Variants in FAM184A observed in about 807,000 individuals in gnomAD.
The protein encoded by FAM184A is protein FAM184A.
In FAM184A, 99 loss-of-function variants were observed where a neutral mutation model predicts 143.8. That is an observed-to-expected ratio of 0.69 (90% CI 0.58 to 0.81). FAM184A has a LOEUF of 0.81. Among genes scored for constraint, FAM184A ranks in the 40% least tolerant of loss-of-function variants. The pLI, the probability that FAM184A is intolerant of heterozygous loss-of-function variation, is 0.00. For synonymous variants in FAM184A, 427 were observed against 446.4 expected (o/e 0.96, Z 0.55); for missense variants, 1,217 against 1,310.5 (o/e 0.93, Z 1.10).
chr6:119,046,737 C>G (rs1477822998), intron 1 of FAM184A, among the ~76,000 whole-genome samples: 1 of 152,084 alleles, frequency 6.6e-6, no homozygotes, highest in Non-Finnish European at 1.5e-5. Context: ...AATACATACC[C>G]CTGAATGGCC....
intron 6 of FAM184A, among the ~76,000 whole-genome samples, chr6:119,006,881 A>G (rs1784935032): frequency 6.6e-6 from 1 of 152,204 alleles, no homozygotes; most frequent in Non-Finnish European, 1.5e-5. Flanking sequence ...GTTCCACCAT[A>G]TAATAAAATA....
chr6:119,123,634 C>T (rs1034429760), intron 1 of FAM184A, among the ~76,000 whole-genome samples: 2 of 152,186 alleles, frequency 1.3e-5, no homozygotes, highest in African/African-American at 4.8e-5. Context: ...CCATCAGGGC[C>T]GAGAACTCTG....
chr6:119,136,727 T>C (rs576095614), intron 1 of FAM184A, among the ~76,000 whole-genome samples: 1 of 152,360 alleles, frequency 6.6e-6, no homozygotes, highest in African/African-American at 2.4e-5. Context: ...CAGTATTTTT[T>C]CAATTCTTGT....
intron 14 of FAM184A, 109 bp downstream of exon 14, chr6:118,974,319 T>A: frequency 1.3e-5 from 14 of 1,095,684 alleles, no homozygotes; most frequent in Non-Finnish European, 1.8e-5. Context: ...AAATTTTCTT[T>A]TTAAAGTATC....
intron 3 of FAM184A, among the ~76,000 whole-genome samples, chr6:119,020,568 G>C (rs141764251): frequency 1.3e-5 from 2 of 152,266 alleles, no homozygotes; most frequent in East Asian, 3.9e-4. Context: ...GCGCCAAAAT[G>C]AGTGATTCGT....
chr6:119,120,851 T>TC (rs1456011045), intron 1 of FAM184A, among the ~76,000 whole-genome samples: 2 of 149,884 alleles, frequency 1.3e-5, no homozygotes, highest in Admixed American at 6.6e-5. Context: ...TTTCTTTCTT[T>TC]TTTTTTTTTT....
At chr6:118,998,766 G>C (rs1306415271) in intron 9 of FAM184A, among the ~76,000 whole-genome samples, 1 of 152,146 alleles carries the variant, frequency 6.6e-6, no homozygotes, top group African/African-American at 2.4e-5. Flanking sequence ...CTGTAAAAAA[G>C]AAAGGGAGAG....
At chr6:119,002,597 T>G (rs1407793499) in intron 9 of FAM184A, among the ~76,000 whole-genome samples, 1 of 152,124 alleles carries the variant, frequency 6.6e-6, no homozygotes, top group Non-Finnish European at 1.5e-5. Flanking sequence ...AAAAAAGATT[T>G]TATGCTTTCA....
At position 119,024,132 on chromosome 6, in the gene FAM184A, T is replaced by G. The variant is rs763675398; in HGVS notation, c.841A>C (p.Lys281Gln). The G allele has an allele frequency of 1.2e-6, 2 of 1,614,190 alleles. No homozygotes were observed. The highest frequency in any genetic ancestry group is 1.7e-6 in the Non-Finnish European group (2 of 1,180,038). ...TTTCTAAGATCAGCTTCCTTTTCTT[T>G]GCTGGCCTGTAGGCTTTCTGCTGTA... ...LFTAESLQAS[K>Q]EKEADLRKEF... The change falls in exon 2 of 18, where the codon AAA becomes CAA. Residue 281 changes from lysine (K) to glutamine (Q), a missense_variant. Physicochemically the swap from Lys to Gln is moderately conservative, Grantham distance 53. Coordinates refer to ENST00000338891, the MANE Select transcript of FAM184A (RefSeq NM_024581.6).
At chr6:119,060,829 T>C (rs1032336994) in intron 1 of FAM184A, among the ~76,000 whole-genome samples, 1 of 152,198 alleles carries the variant, frequency 6.6e-6, no homozygotes, top group African/African-American at 2.4e-5. Flanking sequence ...CACTCTCACT[T>C]TGTGTTCCAT....
chr6:119,074,024 C>T (rs1412589259), intron 1 of FAM184A, among the ~76,000 whole-genome samples: 1 of 152,132 alleles, frequency 6.6e-6, no homozygotes, highest in Non-Finnish European at 1.5e-5. Flanking sequence ...AACCAATCAG[C>T]GCATAAGGGA....
intron 1 of FAM184A, among the ~76,000 whole-genome samples, chr6:119,101,687 T>C (rs1788641041): frequency 6.6e-6 from 1 of 152,220 alleles, no homozygotes; most frequent in East Asian, 1.9e-4. Flanking sequence ...GAATCTTTTG[T>C]ATTCATATCC....
At chr6:118,965,580 C>T (rs116190858) in intron 15 of FAM184A, among the ~76,000 whole-genome samples, 2,576 of 152,272 alleles carry the variant, frequency 0.017, 60 homozygotes, top group African/African-American at 0.059. Flanking sequence ...AGCAGAACTA[C>T]ATTCTAGTGA....
chr6:119,141,227 C>T (rs1160741068), intron 1 of FAM184A, among the ~76,000 whole-genome samples: 1 of 152,236 alleles, frequency 6.6e-6, no homozygotes, highest in Non-Finnish European at 1.5e-5. Flanking sequence ...GTTTAGCAAC[C>T]TGCCTAGTCG....
intron 1 of FAM184A, chr6:119,057,835 T>A (rs1787049105): frequency 1.0e-5 from 1 of 98,768 alleles, no homozygotes; most frequent in African/African-American, 4.1e-5. Flanking sequence ...TTACCAACTC[T>A]CTTCTGTGTT....
At chr6:119,080,094 C>G (rs2114805341), upstream of FAM184A, among the ~76,000 whole-genome samples, 1 of 152,330 alleles carries the variant, frequency 6.6e-6, no homozygotes, top group African/African-American at 2.4e-5. Context: ...AACTCATGTT[C>G]TTTACGTTCT....
chr6:119,020,649 G>A (rs1171911964), intron 3 of FAM184A, among the ~76,000 whole-genome samples: 1 of 152,212 alleles, frequency 6.6e-6, no homozygotes, highest in Non-Finnish European at 1.5e-5. Flanking sequence ...AAAGATGGCA[G>A]ATAGCAGTTT....
chr6:119,130,048 T>C (rs925706763), intron 1 of FAM184A, among the ~76,000 whole-genome samples: 16 of 151,990 alleles, frequency 1.1e-4, no homozygotes, highest in Non-Finnish European at 2.9e-5. Context: ...TTAAACATTT[T>C]TTTTTAAAGA....
intron 1 of FAM184A, among the ~76,000 whole-genome samples, chr6:119,090,077 C>A (rs1788329388): frequency 2.0e-5 from 3 of 152,278 alleles, no homozygotes; most frequent in Admixed American, 2.0e-4. Flanking sequence ...CAGAAGCCAA[C>A]TGGTTTATCC....
Sources: allele counts gnomAD v4.1 joint callset (sites outside exome capture counted in the v4.1 genomes callset), GRCh38; gene constraint gnomAD v4.1.1; transcripts MANE v1.5; gene names NCBI Gene and HGNC (gene_info 2026-07-23, HGNC 2026-07-21).